Variants in XKR4 observed in about 807,000 individuals in gnomAD.
XKR4 encodes the protein XK related 4.
XKR4 carries 12 observed loss-of-function variants against 53.9 expected under a neutral mutation model. That is an observed-to-expected ratio of 0.22 (90% confidence interval 0.14 to 0.36). The LOEUF (loss-of-function observed/expected upper bound fraction) is 0.36, where lower values mean the gene tolerates loss of function less well. XKR4 is among the 10% of genes least tolerant of loss of function. The probability of loss-of-function intolerance (pLI) is 1.00; values close to 1 mark genes in which losing one functional copy is unlikely to be tolerated. For missense variants in XKR4, 799 were observed against 859.5 expected, an observed-to-expected ratio of 0.93 and a Z score of 0.88; for synonymous variants, 354 against 362.4, an observed-to-expected ratio of 0.98 and a Z score of 0.26.
intron 2 of XKR4, among the ~76,000 whole-genome samples, chr8:55,430,920 T>C (rs1243003008): frequency 6.6e-6 from 1 of 152,190 alleles, no homozygotes; most frequent in Non-Finnish European, 1.5e-5. Context: ...CATTCTGAGG[T>C]ACTGGGATTT....
intron 2 of XKR4, chr8:55,450,731 CCTT>C (rs1410647845): frequency 1.7e-6 from 1 of 583,006 alleles, no homozygotes; most frequent in Non-Finnish European, 3.3e-6. Context: ...GACAGCCACT[CCTT>C]CTCCACCAGC....
At position 55,523,422 on chromosome 8, in the gene XKR4, T is replaced by C; in HGVS notation, c.1148T>C (p.Ile383Thr). Reference protein sequence around the residue: ...IIQFCWHFFTIAARVITFALF... With the variant: ...IIQFCWHFFTTAARVITFALF... ...CAGTTCTGCTGGCACTTCTTCACCA[T>C]CGCCGCCAGGGTCATCACGTTTGCC... The change falls in exon 3 of 3, where the codon ATC becomes ACC. Residue 383 changes from isoleucine to threonine, a missense_variant. Ile to Thr is a moderately conservative substitution (Grantham distance 89). Transcript: ENST00000327381. 6.2e-7 allele frequency: 1 copy of C among 1,614,228 alleles called. No individual in the cohort carries two copies. Among genetic ancestry groups the C allele is most frequent in the East Asian group, 2.2e-5 (1 of 44,874 alleles).
chr8:55,241,677 T>A (rs2129368328), intron 1 of XKR4, among the ~76,000 whole-genome samples: 1 of 152,312 alleles, frequency 6.6e-6, no homozygotes, highest in Non-Finnish European at 1.5e-5. Flanking sequence ...TTCCCCTAGG[T>A]CTCCTTCATT....
intron 1 of XKR4, among the ~76,000 whole-genome samples, chr8:55,201,934 C>T (rs1432420957): frequency 2.0e-5 from 3 of 152,158 alleles, no homozygotes; most frequent in Non-Finnish European, 4.4e-5. Context: ...CAGGTGTCCT[C>T]TATTAAAAAG....
intron 1 of XKR4, among the ~76,000 whole-genome samples, chr8:55,182,842 G>C (rs1817328091): frequency 6.6e-6 from 1 of 151,988 alleles, no homozygotes; most frequent in Admixed American, 6.6e-5. Context: ...CCTGAGATTT[G>C]ATTGGAATTG....
At chr8:55,187,443 T>C (rs536227256) in intron 1 of XKR4, among the ~76,000 whole-genome samples, 3 of 152,318 alleles carry the variant, frequency 2.0e-5, no homozygotes, top group African/African-American at 7.2e-5. Flanking sequence ...TTGGAAATTC[T>C]TAAGATTCTG....
chr8:55,295,878 A>G (rs953456853), intron 1 of XKR4, among the ~76,000 whole-genome samples: 1 of 152,224 alleles, frequency 6.6e-6, no homozygotes, highest in Non-Finnish European at 1.5e-5. Flanking sequence ...TTAATGTTTT[A>G]TTCCATTTTT....
At chr8:55,396,458 T>C (rs374510588) in intron 2 of XKR4, among the ~76,000 whole-genome samples, 11 of 123,774 alleles carry the variant, frequency 8.9e-5, no homozygotes, top group African/African-American at 2.5e-4. Context: ...CTTGGGGTAA[T>C]TGGGGATCAA....
At chr8:55,427,069 G>A (rs764948995) in intron 2 of XKR4, among the ~76,000 whole-genome samples, 3 of 152,000 alleles carry the variant, frequency 2.0e-5, no homozygotes, top group African/African-American at 4.8e-5. Flanking sequence ...TGCTAGTAAC[G>A]GTCTCTTAGA....
chr8:55,251,617 AT>A (rs1029448328), intron 1 of XKR4, among the ~76,000 whole-genome samples: 5 of 152,248 alleles, frequency 3.3e-5, no homozygotes, highest in South Asian at 4.1e-4. Flanking sequence ...AATATCCAGA[AT>A]TTTTTTTAAG....
At chr8:55,401,882 A>G (rs1008570327) in intron 2 of XKR4, among the ~76,000 whole-genome samples, 1 of 152,256 alleles carries the variant, frequency 6.6e-6, no homozygotes, top group African/African-American at 2.4e-5. Context: ...AATTATAAGT[A>G]CATATTTACT....
chr8:55,332,009 C>T (rs1803389969), intron 1 of XKR4, among the ~76,000 whole-genome samples: 1 of 152,046 alleles, frequency 6.6e-6, no homozygotes, highest in African/African-American at 2.4e-5. Context: ...TTAGCTATAG[C>T]GTCCATTATT....
intron 2 of XKR4, among the ~76,000 whole-genome samples, chr8:55,428,897 A>G (rs1805057259): frequency 6.6e-6 from 1 of 152,238 alleles, no homozygotes; most frequent in Admixed American, 6.5e-5. Flanking sequence ...AATCTCAGCA[A>G]TAGTGTTTCT....
intron 2 of XKR4, among the ~76,000 whole-genome samples, chr8:55,504,793 T>C (rs1000085181): frequency 1.3e-5 from 2 of 152,166 alleles, no homozygotes; most frequent in Non-Finnish European, 2.9e-5. Flanking sequence ...GTAGATTTTG[T>C]ATTTCTAGGA....
intron 1 of XKR4, among the ~76,000 whole-genome samples, chr8:55,230,450 C>A (rs1312139394): frequency 2.6e-5 from 4 of 151,400 alleles, no homozygotes; most frequent in Non-Finnish European, 5.9e-5. Context: ...ACAACCTCTG[C>A]CTCCTGGGCA....
chr8:55,504,140 T>C (rs1806487050), intron 2 of XKR4, among the ~76,000 whole-genome samples: 1 of 152,192 alleles, frequency 6.6e-6, no homozygotes, highest in African/African-American at 2.4e-5. Context: ...GCATCAATGT[T>C]CATAAGGGAT....
intron 2 of XKR4, among the ~76,000 whole-genome samples, chr8:55,418,966 A>G (rs543931323): frequency 2.7e-5 from 4 of 150,604 alleles, no homozygotes; most frequent in Admixed American, 2.6e-4. Flanking sequence ...TATTGACTGT[A>G]TTTCCCAGTA....
intron 2 of XKR4, among the ~76,000 whole-genome samples, chr8:55,446,857 T>C (rs887378916): frequency 3.3e-5 from 5 of 152,060 alleles, no homozygotes; most frequent in Non-Finnish European, 7.4e-5. Context: ...GTTTGCAGAG[T>C]GGAAGATAGT....
At chr8:55,255,392 T>C (rs1340157112) in intron 1 of XKR4, among the ~76,000 whole-genome samples, 1 of 152,204 alleles carries the variant, frequency 6.6e-6, no homozygotes, top group Admixed American at 6.5e-5. Context: ...CTGCTAGCTA[T>C]CATCATAATT....
Sources: allele counts gnomAD v4.1 joint callset (sites outside exome capture counted in the v4.1 genomes callset), GRCh38; gene constraint gnomAD v4.1.1; transcripts MANE v1.5; gene names NCBI Gene and HGNC (gene_info 2026-07-23, HGNC 2026-07-21).